STIM1: variants seen among roughly 807,000 people sequenced by gnomAD.
STIM1 encodes stromal interaction molecule 1.
STIM1 carries 25 observed loss-of-function variants against 74.7 expected under a neutral mutation model. The observed-to-expected ratio is 0.33, with a 90% CI of 0.24 to 0.47. The LOEUF is 0.47. STIM1 is among the 20% of genes least tolerant of loss of function. STIM1 has a pLI of 1.00. For missense variants in STIM1, 728 were observed against 920.8 expected (o/e 0.79, Z 2.71); for synonymous variants, 328 against 348.8 (o/e 0.94, Z 0.66).
At chr11:4,062,495 G>T (rs1242291164) in intron 5 of STIM1, among the ~76,000 whole-genome samples, 2 of 152,180 alleles carry the variant, frequency 1.3e-5, no homozygotes, top group Non-Finnish European at 2.9e-5. Context: ...GGTGGCACAT[G>T]ACTGTAATCC....
intron 1 of STIM1, among the ~76,000 whole-genome samples, chr11:3,930,050 A>G (rs923245733): frequency 6.6e-6 from 1 of 152,192 alleles, no homozygotes. Flanking sequence ...CCAGGTGTAT[A>G]TATATGAGTA....
rs779857263 is a variant in STIM1, at chr11:4,055,572, T to C, written c.432T>C (p.Tyr144=). Residue 144 remains tyrosine (Y), a synonymous_variant, in exon 4 of 13, where the codon TAT becomes TAC. Coordinates refer to ENST00000526596, the MANE Select transcript of STIM1 (RefSeq NM_001382567.1). ...AGGTGGTACAGTGGCTGATCACATA[T>C]GTGGAGCTGCCTCAGTATGAGGAGA... ...VDEVVQWLIT[Y]VELPQYEETF... 1.9e-6 allele frequency: 3 copies of C among 1,601,654 alleles called. No homozygotes were observed. The highest frequency in any genetic ancestry group is 1.1e-5 in the South Asian group (1 of 88,370).
chr11:4,067,394 C>T (rs2133147756), intron 5 of STIM1, among the ~76,000 whole-genome samples: 1 of 152,314 alleles, frequency 6.6e-6, no homozygotes, highest in Non-Finnish European at 1.5e-5. Context: ...CCACTATCAG[C>T]TTCCAGGATA....
intron 1 of STIM1, among the ~76,000 whole-genome samples, chr11:3,926,533 T>C (rs898743018): frequency 5.3e-5 from 8 of 152,246 alleles, no homozygotes; most frequent in African/African-American, 1.9e-4. Context: ...AAATTCTGAA[T>C]GTAGGCATAA....
intron 2 of STIM1, among the ~76,000 whole-genome samples, chr11:4,018,458 CAAAAAAAAAAAAAAAAA>C (rs1157096857): frequency 1.9e-4 from 4 of 20,536 alleles, no homozygotes; most frequent in African/African-American, 3.8e-4. Flanking sequence ...GACTCCGTCT[CAAAAAAAAAAAAAAAAA>C]AAAAAAAAAA....
At chr11:3,967,364 G>C (rs1002524230) in intron 1 of STIM1, among the ~76,000 whole-genome samples, 188 bp from the exon 2 acceptor site, 6 of 152,270 alleles carry the variant, frequency 3.9e-5, no homozygotes, top group South Asian at 2.1e-4. Context: ...TTGTCCTTGT[G>C]GGGGAGCTCA....
At chr11:3,966,223 CT>C (rs1437816604) in intron 1 of STIM1, among the ~76,000 whole-genome samples, 1 of 152,168 alleles carries the variant, frequency 6.6e-6, no homozygotes. Context: ...CTTTAGCTGC[CT>C]TTGACTTTGG....
rs2135332532 is a variant in STIM1, at chr11:3,882,703, T to C, written c.139+26294T>C. Among the ~76,000 whole-genome samples the C allele has an allele frequency of 1.3e-5, 2 of 152,390 alleles. 1 individual carries two copies. The highest frequency in any genetic ancestry group is 4.1e-4 in the South Asian group (2 of 4,832). On this transcript the variant is annotated intron_variant, in intron 1 of 12. Transcript: ENST00000526596. ...GAATTGCTAGGTTATATGGTAATTC[T>C]GTTTAGTTTTTGAGGAACCAACAAA...
At chr11:4,059,632 C>T (rs1172067407) in intron 5 of STIM1, among the ~76,000 whole-genome samples, 4 of 152,088 alleles carry the variant, frequency 2.6e-5, no homozygotes, top group African/African-American at 9.7e-5. Context: ...TGTGCTGGAC[C>T]CTGTAGGAAG....
chr11:4,020,146 T>C (rs1449684012), intron 2 of STIM1, among the ~76,000 whole-genome samples: 1 of 152,238 alleles, frequency 6.6e-6, no homozygotes, highest in Admixed American at 6.5e-5. Context: ...TCTTTATGGC[T>C]GAATGGTATG....
chr11:3,917,988 T>A (rs1225270085), intron 1 of STIM1, among the ~76,000 whole-genome samples: 1 of 152,172 alleles, frequency 6.6e-6, no homozygotes, highest in African/African-American at 2.4e-5. Context: ...GGAAATACAA[T>A]TCAGACAGAC....
At chr11:3,881,501 G>C (rs2135324008) in intron 1 of STIM1, among the ~76,000 whole-genome samples, 1 of 150,868 alleles carries the variant, frequency 6.6e-6, no homozygotes, top group East Asian at 2.0e-4. Context: ...CTCCCGATTA[G>C]CTGGGACTAC....
At chr11:4,056,913 G>A (rs1017339124) in intron 4 of STIM1, among the ~76,000 whole-genome samples, 24 of 152,180 alleles carry the variant, frequency 1.6e-4, no homozygotes, top group Admixed American at 6.5e-4. Context: ...TTGAACCCAG[G>A]TCTGTCTTGT....
intron 2 of STIM1, among the ~76,000 whole-genome samples, chr11:3,995,040 G>A (rs1273235836): frequency 6.6e-6 from 1 of 151,192 alleles, no homozygotes; most frequent in Non-Finnish European, 1.5e-5. Flanking sequence ...TTTATTTGAT[G>A]CATCATTGAC....
At chr11:3,885,987 A>G (rs1488104040) in intron 1 of STIM1, among the ~76,000 whole-genome samples, 1 of 152,216 alleles carries the variant, frequency 6.6e-6, no homozygotes, top group Admixed American at 6.5e-5. Context: ...GCAAGGGCCC[A>G]TCAATGAAGG....
At chr11:4,089,013 C>T in intron 12 of STIM1, 1 of 366,604 alleles carries the variant, frequency 2.7e-6, no homozygotes, top group Non-Finnish European at 5.3e-6. Context: ...CGGAGGACTG[C>T]TTAAGCCCAG....
rs966758038 is a variant in STIM1 at position 4,084,764 on chromosome 11, C to T, written c.1566C>T (p.Pro522=). 1.9e-5 allele frequency: 24 copies of T among 1,289,252 alleles called. No homozygotes were observed. The African/African-American group carries it at 2.0e-4, about 11-fold the overall frequency. 79.9% of individuals were successfully genotyped at this position (1,289,252 alleles called of 1,614,324 possible). ...ATGATCAGTCCCTCTGGAAATACCC[C>T]GGTTTGAGGAGCCCCTTTGGGGCAT... ...GSDDQSLWKY[P]APSLQSSVRQ... is the part of the protein sequence containing the mutation. The change falls in exon 11 of 13, where the codon CCC becomes CCT. Residue 522 remains proline, a splice_region_variant and synonymous_variant. Transcript: ENST00000526596.
chr11:4,014,413 G>A (rs956181202), intron 2 of STIM1, among the ~76,000 whole-genome samples: 2 of 152,216 alleles, frequency 1.3e-5, no homozygotes, highest in African/African-American at 2.4e-5. Flanking sequence ...TGGTCTGAGA[G>A]ACAGTTTGTT....
chr11:3,926,051 T>C (rs2092784637), intron 1 of STIM1, among the ~76,000 whole-genome samples: 1 of 152,232 alleles, frequency 6.6e-6, no homozygotes, highest in Admixed American at 6.5e-5. Context: ...AAGGGTCAGC[T>C]TTGTTACTTG....
Sources: gnomAD v4.1 joint callset for allele counts (sites outside exome capture counted in the v4.1 genomes callset) on GRCh38, gnomAD v4.1.1 for gene constraint, MANE v1.5 for transcripts, NCBI Gene and HGNC (gene_info 2026-07-23, HGNC 2026-07-21) for gene names.